Variants in NSFL1C observed in about 807,000 individuals in gnomAD.
NSFL1C encodes the protein NSFL1 cofactor p47.
In NSFL1C, 14 loss-of-function variants were observed where a neutral mutation model predicts 43.1. The ratio of observed to expected loss-of-function variants is 0.32; its 90% CI spans 0.21 to 0.51. The LOEUF (loss-of-function observed/expected upper bound fraction) is 0.51. Ranked by LOEUF, NSFL1C falls within the 20% of genes least tolerant of loss-of-function variation. The pLI is 0.98. For missense variants in NSFL1C, 406 were observed against 472.5 expected (o/e 0.86, Z 1.30); for synonymous variants, 171 against 183.5 (o/e 0.93, Z 0.55).
chr20:1,454,937 G>A, intron 4 of NSFL1C, 30 bp downstream of exon 4: 1 of 1,600,884 alleles, frequency 6.2e-7, no homozygotes, highest in East Asian at 2.2e-5. Context: ...TCTCAGTCCT[G>A]TGGGCACAGA....
intron 7 of NSFL1C, among the ~76,000 whole-genome samples, chr20:1,451,513 G>T (rs1400052518): frequency 6.6e-6 from 1 of 152,218 alleles, no homozygotes; most frequent in African/African-American, 2.4e-5. Context: ...ACACACACCA[G>T]CCATGTGCCC....
chr20:1,457,168 T>C (rs946917167), intron 3 of NSFL1C: 3 of 152,226 alleles, frequency 2.0e-5, no homozygotes, highest in Admixed American at 6.5e-5. Flanking sequence ...CTTATAAGCC[T>C]ATTATTCTGT....
chr20:1,451,105 A>T (rs77674088), intron 7 of NSFL1C, among the ~76,000 whole-genome samples: 3 of 152,302 alleles, frequency 2.0e-5, no homozygotes, highest in South Asian at 2.1e-4. Context: ...GAAAAAAAAA[A>T]TTAGGTGCCC....
chr20:1,449,920 G>A (rs932820298), intron 7 of NSFL1C, among the ~76,000 whole-genome samples: 10 of 152,176 alleles, frequency 6.6e-5, no homozygotes, highest in South Asian at 2.1e-4. Context: ...TTTGCAATTC[G>A]AACCTTCAGA....
chr20:1,452,898 T>C (rs1004006014), intron 6 of NSFL1C, 133 bp downstream of exon 6: 2 of 724,118 alleles, frequency 2.8e-6, no homozygotes, highest in Middle Eastern at 2.8e-4. Flanking sequence ...AGCAGATCTA[T>C]GAATCCGTAT....
Position 1,454,954 on chromosome 20 carries a change from C to A in NSFL1C, c.444+13G>T, listed in dbSNP as rs527398068. The A allele has an allele frequency of 6.2e-7, 1 of 1,612,162 alleles. No homozygotes were observed. Among genetic ancestry groups the A allele is most frequent in the East Asian group, 2.2e-5 (1 of 44,862 alleles). On this transcript the variant is annotated intron_variant, in intron 4 of 8. Transcript: ENST00000216879. ...TCAGTCCTGTGGGCACAGACAATGA[C>A]CCTTATACTCACTCTCGGTTTACTG...
chr20:1,448,697 A>C (rs185609887), intron 7 of NSFL1C, among the ~76,000 whole-genome samples: 1 of 152,272 alleles, frequency 6.6e-6, no homozygotes, highest in Admixed American at 6.5e-5. Context: ...GTATTAACTT[A>C]CTTAACCCAC....
chr20:1,450,683 G>A (rs753950153), intron 7 of NSFL1C, among the ~76,000 whole-genome samples: 4 of 152,106 alleles, frequency 2.6e-5, no homozygotes, highest in Non-Finnish European at 5.9e-5. Flanking sequence ...TTTTTGAAGG[G>A]CAATTTGACA....
chr20:1,443,159 C>T lies in NSFL1C; in HGVS notation c.*590G>A, dbSNP rs1014082873. The stretch of plus-strand genomic sequence containing the variant: ...CCCCAGGGGTTGAGTAAAAGGAGCA[C>T]AGGGAAATATTTATTTTCACCTTCT... On this transcript the variant is annotated 3_prime_UTR_variant, in exon 9 of 9. Transcript: ENST00000216879. The T allele has an allele frequency of 6.6e-6, 1 of 152,370 alleles. No homozygotes were observed. 9.4% of individuals were successfully genotyped at this position (152,370 alleles called of 1,614,324 possible).
chr20:1,458,366 T>C, intron 2 of NSFL1C, 92 bp from the exon 3 acceptor site: 7 of 1,066,820 alleles, frequency 6.6e-6, no homozygotes, highest in Non-Finnish European at 8.7e-6. Flanking sequence ...GACACTGAGG[T>C]TACATTTTTG....
intron 7 of NSFL1C, among the ~76,000 whole-genome samples, chr20:1,449,887 T>G (rs2090148884): frequency 6.6e-6 from 1 of 151,980 alleles, no homozygotes. Flanking sequence ...CAGTGACCCC[T>G]CCTCCCAAGT....
At position 1,445,695 on chromosome 20, in the gene NSFL1C, C is replaced by T. The variant is rs772563656; in HGVS notation, c.921G>A (p.Arg307=). The change falls in exon 8 of 9, where the codon AGG becomes AGA. Residue 307 remains arginine, a synonymous_variant. Coordinates refer to ENST00000216879, the MANE Select transcript of NSFL1C (RefSeq NM_016143.5). The part of the protein sequence containing the change: ...NIQIRLADGG[R]LVQKFNHSHR... Reference sequence around the variant, plus strand: ...GGCTGTGGTTAAATTTCTGCACCAGCCTCCCGCCGTCTGCAAGCCGAATTT... The same window carrying T: ...GGCTGTGGTTAAATTTCTGCACCAGTCTCCCGCCGTCTGCAAGCCGAATTT... 7.4e-6 allele frequency: 12 copies of T among 1,613,114 alleles called. No individual in the cohort carries two copies. Among genetic ancestry groups the T allele is most frequent in the Middle Eastern group, 1.8e-4 (1 of 5,448 alleles).
chr20:1,446,649 T>C (rs760627524), intron 7 of NSFL1C, among the ~76,000 whole-genome samples: 4 of 151,328 alleles, frequency 2.6e-5, no homozygotes, highest in Non-Finnish European at 5.9e-5. Context: ...AATTGCATAA[T>C]GCACTCAGGA....
chr20:1,455,923 C>T, intron 3 of NSFL1C: 1 of 624,264 alleles, frequency 1.6e-6, no homozygotes, highest in Non-Finnish European at 2.9e-6. Flanking sequence ...ATACAAGCCC[C>T]AAGACACCCA....
rs1177428767 is a variant in NSFL1C, at chr20:1,442,669, T to C, written c.*1080A>G. ...GGACTACTGCCTATGTTTCTGCAAG[T>C]CACAAGTCAGCAGGTCAAAGAACAA... On this transcript the variant is annotated 3_prime_UTR_variant, in exon 9 of 9. Coordinates refer to ENST00000216879, the MANE Select transcript of NSFL1C (RefSeq NM_016143.5). 2 of 152,164 alleles carry C rather than the reference T, an allele frequency of 1.3e-5. No individual in the cohort carries two copies. 9.4% of individuals were successfully genotyped at this position (152,164 alleles called of 1,614,324 possible). A position where few individuals can be genotyped will look rare whatever the true frequency, so the allele number is the denominator to read the frequency against.
intron 7 of NSFL1C, among the ~76,000 whole-genome samples, chr20:1,449,009 T>A (rs1342592323): frequency 6.6e-6 from 1 of 152,116 alleles, no homozygotes; most frequent in Non-Finnish European, 1.5e-5. Flanking sequence ...CAACACATAC[T>A]AAAAGTACAA....
chr20:1,464,033 T>C, intron 2 of NSFL1C: 1 of 352,770 alleles, frequency 2.8e-6, no homozygotes, highest in Non-Finnish European at 5.1e-6. Context: ...GTTTTTTGGC[T>C]TTTACTTAAA....
Position 1,458,271 on chromosome 20 carries a change from A to C in NSFL1C, c.207T>G (p.Asp69Glu), listed in dbSNP as rs2090342844. ...SSVSRGTAPS[D>E]NRVTSFRDLI... The stretch of plus-strand genomic sequence containing the variant: ...GGTCTCTGAAGGATGTCACTCTATT[A>C]TCACTGGAGACACAGAAAGGAGCAA... Residue 69 changes from aspartate to glutamate, a missense_variant, in exon 3 of 9, where the codon GAT (aspartate) becomes GAG (glutamate). By Grantham distance (45) the Asp-to-Glu change is conservative. Around this residue, in one of 3 missense-constraint regions of NSFL1C, gnomAD observed 203 missense variants for 216.3 expected, o/e 0.94. Transcript: ENST00000216879. The C allele has an allele frequency of 6.2e-7, 1 of 1,613,304 alleles. No individual in the cohort carries two copies. The highest frequency in any genetic ancestry group is 1.3e-5 in the African/African-American group (1 of 74,992).
Position 1,466,820 on chromosome 20 carries a change from G to A in NSFL1C, c.5C>T (p.Ala2Val). Reference protein sequence around the residue: MAAERQEALREF... With the variant: MVAERQEALREF... ...CCTCAGCGCCTCCTGTCGCTCCGCC[G>A]CCATCTTCGCCCCGTGCGCCTTCCA... is the stretch of plus-strand genomic sequence containing the variant. Residue 2 changes from alanine (A) to valine (V), a missense_variant, in exon 1 of 9, where the codon GCG (alanine) becomes GTG (valine). By Grantham distance (64) the Ala-to-Val change is moderately conservative (BLOSUM62 0). This residue lies in a region of NSFL1C where 203 missense variants were observed against 216.3 expected (regional missense o/e 0.94). Coordinates refer to ENST00000216879, the MANE Select transcript of NSFL1C (RefSeq NM_016143.5). The A allele has an allele frequency of 1.9e-6, 3 of 1,538,512 alleles. No individual in the cohort carries two copies. The highest frequency in any genetic ancestry group is 1.7e-6 in the Non-Finnish European group (2 of 1,144,788).
Sources: gnomAD v4.1 joint callset for allele counts (sites outside exome capture counted in the v4.1 genomes callset) on GRCh38, gnomAD v4.1.1 for gene constraint, gnomAD v4.1.1 regional missense constraint, MANE v1.5 for transcripts, NCBI Gene and HGNC (gene_info 2026-07-23, HGNC 2026-07-21) for gene names.